SBK1: variants seen among roughly 807,000 people sequenced by gnomAD.
SBK1 encodes SH3 domain binding kinase 1, also known as serine/threonine-protein kinase SBK1.
In SBK1, 11 loss-of-function variants were observed where a neutral mutation model predicts 24.4. The ratio of observed to expected loss-of-function variants is 0.45; its 90% CI spans 0.28 to 0.75. The LOEUF (loss-of-function observed/expected upper bound fraction) is 0.75. Among genes scored for constraint, SBK1 ranks in the 30% least tolerant of loss-of-function variants. The pLI, the probability that SBK1 is intolerant of heterozygous loss-of-function variation, is 0.12. For missense variants in SBK1, 467 were observed against 620.5 expected (o/e 0.75, Z 2.63); for synonymous variants, 308 against 284.4 (o/e 1.08, Z -0.83).
intron 1 of SBK1, among the ~76,000 whole-genome samples, chr16:28,280,347 TA>T (rs1033704909): frequency 7.5e-6 from 1 of 133,018 alleles, no homozygotes; most frequent in Non-Finnish European, 1.6e-5. Flanking sequence ...TATATATATA[TA>T]AAATATATAT....
Position 28,320,404 on chromosome 16 carries a change from G to C in SBK1, c.758G>C (p.Trp253Ser). ...TGCGTGCTCACCGGCAACTTCCCGTGGGAGGCGGCGTCGGGCGCCGACGCC... is the reference window on the plus strand; with the variant it reads ...TGCGTGCTCACCGGCAACTTCCCGTCGGAGGCGGCGTCGGGCGCCGACGCC... ...IFCVLTGNFP[W>S]EAASGADAFF... The change falls in exon 4 of 4, where the codon TGG (tryptophan) becomes TCG (serine). Residue 253 changes from tryptophan to serine, a missense_variant. Trp to Ser is a radical substitution (Grantham distance 177). This residue lies in a region of SBK1 where 86 missense variants were observed against 121.7 expected (regional missense o/e 0.71). Transcript: ENST00000341901. The surrounding 1 kb of genome is among the most constrained non-coding windows in gnomAD (Gnocchi z 8.5). 6.3e-7 allele frequency: 1 copy of C among 1,591,124 alleles called. No individual in the cohort carries two copies. Among genetic ancestry groups the C allele is most frequent in the Admixed American group, 1.7e-5 (1 of 59,648 alleles).
chr16:28,272,213 A>G (rs8048372), intron 1 of SBK1, among the ~76,000 whole-genome samples: 4,714 of 151,850 alleles, frequency 0.031, 246 homozygotes, highest in African/African-American at 0.11. Context: ...GGGACTACAG[A>G]TGCATGCCAC....
chr16:28,270,281 C>T (rs1167745677), intron 1 of SBK1, among the ~76,000 whole-genome samples: 2 of 151,862 alleles, frequency 1.3e-5, no homozygotes, highest in South Asian at 2.1e-4. Context: ...AGGATGGTCT[C>T]GATCTCTTGA....
At chr16:28,266,156 G>A (rs2044427103) in intron 1 of SBK1, among the ~76,000 whole-genome samples, 2 of 151,932 alleles carry the variant, frequency 1.3e-5, no homozygotes, top group South Asian at 4.1e-4. Flanking sequence ...AAGGATCACT[G>A]GAGCCCAAGA....
chr16:28,295,052 T>C (rs2044628963), intron 1 of SBK1, among the ~76,000 whole-genome samples: 1 of 152,172 alleles, frequency 6.6e-6, no homozygotes, highest in African/African-American at 2.4e-5. Flanking sequence ...AGGAGTTCAT[T>C]TCCCCCCAGT....
At chr16:28,292,500 C>A, upstream of SBK1, 1 of 975,174 alleles carries the variant, frequency 1.0e-6, no homozygotes, top group Non-Finnish European at 1.2e-6. Context: ...CGGGCAGGTG[C>A]GCGCTGGCTG....
At chr16:28,276,024 G>A (rs1159618933) in intron 1 of SBK1, among the ~76,000 whole-genome samples, 1 of 152,216 alleles carries the variant, frequency 6.6e-6, no homozygotes, top group Non-Finnish European at 1.5e-5. Flanking sequence ...CTCAGGGGAA[G>A]GGCCCTTCTG....
intron 1 of SBK1, among the ~76,000 whole-genome samples, chr16:28,300,554 G>T (rs1031284572): frequency 1.3e-5 from 2 of 151,972 alleles, no homozygotes; most frequent in African/African-American, 4.8e-5. Flanking sequence ...GAATTCCTAG[G>T]CTCAAGCCAT....
intron 1 of SBK1, among the ~76,000 whole-genome samples, chr16:28,293,884 T>G (rs1347305103): frequency 6.6e-6 from 1 of 152,122 alleles, no homozygotes. Context: ...GGTCTTTACC[T>G]AAACCATACT....
intron 1 of SBK1, among the ~76,000 whole-genome samples, chr16:28,297,293 T>C: frequency 6.6e-6 from 1 of 152,154 alleles, no homozygotes; most frequent in East Asian, 1.9e-4. Context: ...ATTGTGCCAC[T>C]GCACTCCAGC....
intron 1 of SBK1, among the ~76,000 whole-genome samples, chr16:28,271,127 T>C (rs2044463028): frequency 1.3e-5 from 2 of 151,882 alleles, no homozygotes; most frequent in South Asian, 4.2e-4. Flanking sequence ...CCTCCCAAAG[T>C]GCTGGGATTA....
chr16:28,282,259 TGAG>T (rs1171113991), intron 1 of SBK1, among the ~76,000 whole-genome samples: 1 of 152,068 alleles, frequency 6.6e-6, no homozygotes. Context: ...TTACCGGAGT[TGAG>T]GAGTGCAAGA....
In SBK1 at chr16:28,323,075, A is replaced by C. The variant is rs930476816; in HGVS notation, c.*2154A>C. ...AGTATGTTAGAGTTGGGAGGGGACC[A>C]TAGTTATGTAGCCCAGCCCCCTCAT... is the stretch of plus-strand genomic sequence containing the variant. On this transcript the variant is annotated 3_prime_UTR_variant, in exon 4 of 4. Coordinates refer to ENST00000341901, the MANE Select transcript of SBK1 (RefSeq NM_001024401.3). 7.1e-6 allele frequency: 1 copy of C among 140,250 alleles called. No individual in the cohort carries two copies. The highest frequency in any genetic ancestry group is 2.7e-5 in the African/African-American group (1 of 36,764). 8.7% of individuals were successfully genotyped at this position (140,250 alleles called of 1,614,324 possible).
chr16:28,295,884 C>A (rs574701667), intron 1 of SBK1, among the ~76,000 whole-genome samples: 1 of 151,310 alleles, frequency 6.6e-6, no homozygotes, highest in Non-Finnish European at 1.5e-5. Context: ...TCCTGGCCCC[C>A]GATGCTGGCA....
At chr16:28,277,877 T>C (rs569239698) in intron 1 of SBK1, among the ~76,000 whole-genome samples, 10 of 152,288 alleles carry the variant, frequency 6.6e-5, no homozygotes, top group Non-Finnish European at 1.0e-4. Flanking sequence ...CTAGAGGGCG[T>C]GTTGTGCTCA....
intron 1 of SBK1, among the ~76,000 whole-genome samples, chr16:28,268,549 G>C (rs139119092): frequency 0.015 from 2,295 of 151,896 alleles, 64 homozygotes; most frequent in African/African-American, 0.053. Context: ...GATCACCTGA[G>C]GTCAGGAGTT....
In SBK1 at chr16:28,321,022, G is replaced by A. The variant is rs1037840038; in HGVS notation, c.*101G>A. ...TGGAGCCACCTCGCCGCGGGGCAGG[G>A]GGCGCAGCGGTAGACTAGGCAGGAC... On this transcript the variant is annotated 3_prime_UTR_variant, in exon 4 of 4. Transcript: ENST00000341901. 4.0e-5 allele frequency: 44 copies of A among 1,106,524 alleles called. No homozygotes were observed. The East Asian group carries it at 1.5e-3, about 37-fold the overall frequency. 68.5% of individuals were successfully genotyped at this position (1,106,524 alleles called of 1,614,324 possible).
intron 1 of SBK1, among the ~76,000 whole-genome samples, chr16:28,302,946 A>C: frequency 7.0e-6 from 1 of 142,740 alleles, no homozygotes; most frequent in South Asian, 2.2e-4. Flanking sequence ...TACCAGGAAA[A>C]AATAGAGCAG....
chr16:28,292,755 C>G lies in SBK1; in HGVS notation c.-553C>G. 1.0e-6 allele frequency: 1 copy of G among 985,222 alleles called. No homozygotes were observed. The highest frequency in any genetic ancestry group is 1.2e-6 in the Non-Finnish European group (1 of 829,770). The allele number at this position is 985,222 out of a possible 1,614,324, so 61.0% of individuals were successfully genotyped here. A position where few individuals can be genotyped will look rare whatever the true frequency, so the allele number is the denominator to read the frequency against. On this transcript the variant is annotated 5_prime_UTR_variant, in exon 1 of 4. Coordinates refer to ENST00000341901, the MANE Select transcript of SBK1 (RefSeq NM_001024401.3). ...CCGCAGCCGAGGAGTGCGGGGAGCC[C>G]CCTTCCACATCCAGGATCCGGCGAG...
Sources: gnomAD v4.1 joint callset for allele counts (sites outside exome capture counted in the v4.1 genomes callset) on GRCh38, gnomAD v4.1.1 for gene constraint, gnomAD v4.1.1 regional missense constraint, Gnocchi (gnomAD v3.1) non-coding constraint, MANE v1.5 for transcripts, NCBI Gene and HGNC (gene_info 2026-07-23, HGNC 2026-07-21) for gene names.